CARM1: variants seen among roughly 807,000 people sequenced by gnomAD.
CARM1 encodes histone-arginine methyltransferase CARM1.
In CARM1, 14 loss-of-function variants were observed where a neutral mutation model predicts 72.7. The observed-to-expected ratio is 0.19, with a 90% CI of 0.13 to 0.30. CARM1 has a LOEUF of 0.30. Among genes scored for constraint, CARM1 ranks in the 10% least tolerant of loss-of-function variants. The pLI is 1.00. For synonymous variants in CARM1, 333 were observed against 345.5 expected, an observed-to-expected ratio of 0.96 and a Z score of 0.40; for missense variants, 432 against 833.7, an observed-to-expected ratio of 0.52 and a Z score of 5.93.
intron 1 of CARM1, among the ~76,000 whole-genome samples, chr19:10,884,931 C>G (rs1328821165): frequency 6.6e-6 from 1 of 152,212 alleles, no homozygotes; most frequent in African/African-American, 2.4e-5. Flanking sequence ...GTCTCAAACT[C>G]CTGACCTCAG....
At chr19:10,885,582 A>C (rs2073935169) in intron 1 of CARM1, among the ~76,000 whole-genome samples, 1 of 152,220 alleles carries the variant, frequency 6.6e-6, no homozygotes, top group African/African-American at 2.4e-5. Flanking sequence ...CATCCCGGGC[A>C]GGGGGCATGT....
intron 1 of CARM1, among the ~76,000 whole-genome samples, chr19:10,900,376 C>T (rs1008857032): frequency 6.6e-6 from 1 of 152,324 alleles, no homozygotes; most frequent in Admixed American, 6.5e-5. Flanking sequence ...GCTCCCCATT[C>T]CTGCCTTCTC....
intron 4 of CARM1, among the ~76,000 whole-genome samples, chr19:10,910,066 C>G (rs994420326): frequency 6.6e-6 from 1 of 152,036 alleles, no homozygotes. Context: ...GCTCTCCAGG[C>G]TGAGCCAAAG....
chr19:10,901,895 G>A (rs746383294), intron 1 of CARM1, among the ~76,000 whole-genome samples: 1 of 152,062 alleles, frequency 6.6e-6, no homozygotes, highest in Non-Finnish European at 1.5e-5. Flanking sequence ...GTTGCAGTGA[G>A]CCAAGATAGT....
chr19:10,881,403 G>A (rs1689846811), intron 1 of CARM1, among the ~76,000 whole-genome samples: 1 of 152,204 alleles, frequency 6.6e-6, no homozygotes, highest in South Asian at 2.1e-4. Flanking sequence ...TGATTGGGGA[G>A]TGGAGTCTGC....
intron 1 of CARM1, among the ~76,000 whole-genome samples, chr19:10,895,342 C>T (rs1291378747): frequency 6.6e-6 from 1 of 152,104 alleles, no homozygotes; most frequent in Non-Finnish European, 1.5e-5. Context: ...TGGCCTCAAG[C>T]GATCCACGTG....
intron 1 of CARM1, among the ~76,000 whole-genome samples, chr19:10,893,943 C>T (rs895375038): frequency 1.3e-5 from 2 of 152,222 alleles, no homozygotes; most frequent in Non-Finnish European, 1.5e-5. Context: ...AAAGCCCATC[C>T]TTTCAGCCAT....
Position 10,889,401 on chromosome 19 carries a change from G to A in CARM1, c.221-15550G>A, listed in dbSNP as rs546768399. Among the ~76,000 whole-genome samples the A allele has an allele frequency of 1.6e-3, 245 of 149,584 alleles. 6 individuals are homozygous for A. In the South Asian group the frequency reaches 0.049, roughly 30 times the overall value. Reference sequence around the variant, plus strand: ...GCAATCTCGGCTCACTGCAACCTCCGCCTCCCCAGTTCAAAGGATTCTTCT... The same window carrying A: ...GCAATCTCGGCTCACTGCAACCTCCACCTCCCCAGTTCAAAGGATTCTTCT... On this transcript the variant is annotated intron_variant, in intron 1 of 15. Transcript: ENST00000327064.
In CARM1 at chr19:10,896,788, ATC is replaced by A. The variant is rs939419299; in HGVS notation, c.221-8159_221-8158del. Among the ~76,000 whole-genome samples, 3 of 152,082 alleles carry A rather than the reference ATC, an allele frequency of 2.0e-5. No individual in the cohort carries two copies. Among genetic ancestry groups the A allele is most frequent in the Admixed American group, 6.5e-5 (1 of 15,276 alleles). On this transcript the variant is annotated intron_variant, in intron 1 of 15. Transcript: ENST00000327064. The surrounding 1 kb of genome is among the most constrained non-coding windows in gnomAD (Gnocchi z 5.2). ...CACCTACAGAGTCCACCACTTGGGG[ATC>A]TCTGTCAGTCTGCCACTCGGCTGTC...
At chr19:10,885,874 C>T (rs1477494193) in intron 1 of CARM1, among the ~76,000 whole-genome samples, 1 of 149,790 alleles carries the variant, frequency 6.7e-6, no homozygotes, top group Non-Finnish European at 1.5e-5. Context: ...ACAGCAGCCA[C>T]AGCTCACTCC....
In CARM1 at chr19:10,891,890, T is replaced by A. The variant is rs775335165; in HGVS notation, c.221-13061T>A. ...CTGCTGGGCTTCAAGTTATGCACGT[T>A]CACACAATGGCAAAGGAGGGTGCGG... On this transcript the variant is annotated intron_variant, in intron 1 of 15. Transcript: ENST00000327064. 1.5e-4 allele frequency among the ~76,000 whole-genome samples: 23 copies of A among 152,224 alleles called. 1 individual carries two copies. Among genetic ancestry groups the A allele is most frequent in the Admixed American group, 1.4e-3 (22 of 15,272 alleles).
intron 8 of CARM1, among the ~76,000 whole-genome samples, chr19:10,918,656 TC>T (rs1568356981): frequency 6.6e-6 from 1 of 152,132 alleles, no homozygotes; most frequent in Non-Finnish European, 1.5e-5. Context: ...TGCACTTATT[TC>T]CCTTTGCTTT....
chr19:10,913,641 C>T (rs189532183), intron 5 of CARM1, among the ~76,000 whole-genome samples: 186 of 152,182 alleles, frequency 1.2e-3, no homozygotes, highest in African/African-American at 3.0e-3. Flanking sequence ...TCAAGCAGTC[C>T]GCCTGCCTCG....
chr19:10,881,703 C>G (rs898596639), intron 1 of CARM1, among the ~76,000 whole-genome samples: 1 of 151,966 alleles, frequency 6.6e-6, no homozygotes, highest in Admixed American at 6.6e-5. Flanking sequence ...TGACCTTTCC[C>G]AGCCCACTGA....
rs1007045987 is a variant in CARM1 at position 10,916,966 on chromosome 19, G to A, written c.1020+189G>A. The stretch of plus-strand genomic sequence containing the variant: ...CACACAGCACACATGCAATACATGT[G>A]GAACATTATTAGGTGAGGCTAAGGC... On this transcript the variant is annotated intron_variant, in intron 8 of 15. Coordinates refer to ENST00000327064, the MANE Select transcript of CARM1 (RefSeq NM_199141.2). The surrounding 1 kb of genome is among the most constrained non-coding windows in gnomAD (Gnocchi z 4.4). Among the ~76,000 whole-genome samples, 1 of 152,102 alleles carries A rather than the reference G, an allele frequency of 6.6e-6. No individual in the cohort carries two copies. The highest frequency in any genetic ancestry group is 1.5e-5 in the Non-Finnish European group (1 of 68,030).
intron 1 of CARM1, among the ~76,000 whole-genome samples, chr19:10,890,993 T>C (rs1475320457): frequency 1.3e-5 from 2 of 151,160 alleles, no homozygotes; most frequent in Non-Finnish European, 2.9e-5. Flanking sequence ...TCCCAAGCAG[T>C]GTGTGAAGCT....
At position 10,922,584 on chromosome 19, in the gene CARM1, G is replaced by A. The variant is rs372564981; in HGVS notation, c.*827G>A. ...ACCTCAAGGATCTGTCACGGAAGGC[G>A]TCCTTTTTCCTTGTAGCTAACGTTA... On this transcript the variant is annotated 3_prime_UTR_variant, in exon 16 of 16. Transcript: ENST00000327064. 1.3e-5 allele frequency: 2 copies of A among 152,022 alleles called. No homozygotes were observed. The highest frequency in any genetic ancestry group is 2.4e-5 in the African/African-American group (1 of 41,370). 9.4% of individuals were successfully genotyped at this position (152,022 alleles called of 1,614,324 possible). A position where few individuals can be genotyped will look rare whatever the true frequency, so the allele number is the denominator to read the frequency against.
At chr19:10,895,490 C>T (rs981139268) in intron 1 of CARM1, among the ~76,000 whole-genome samples, 18 of 152,306 alleles carry the variant, frequency 1.2e-4, no homozygotes, top group African/African-American at 3.4e-4. Context: ...CTGCTTGTTC[C>T]GTTGCTTTCT....
intron 8 of CARM1, chr19:10,918,865 C>T (rs529046975): frequency 1.3e-5 from 2 of 152,378 alleles, no homozygotes; most frequent in Admixed American, 1.3e-4. Flanking sequence ...AAAATCCTGG[C>T]CGCTCTGGTT....
Sources: allele counts gnomAD v4.1 joint callset (sites outside exome capture counted in the v4.1 genomes callset), GRCh38; gene constraint gnomAD v4.1.1; non-coding constraint Gnocchi (gnomAD v3.1); transcripts MANE v1.5; gene names NCBI Gene and HGNC (gene_info 2026-07-23, HGNC 2026-07-21).